TRPM3: variants seen among roughly 807,000 people sequenced by gnomAD.
The protein encoded by TRPM3 is long transient receptor potential channel 3.
In TRPM3, 77 loss-of-function variants were observed where a neutral mutation model predicts 181.2. The ratio of observed to expected loss-of-function variants is 0.42; its 90% CI spans 0.35 to 0.51. The LOEUF (loss-of-function observed/expected upper bound fraction) is 0.51, where lower values mean the gene tolerates loss of function less well. Among genes scored for constraint, TRPM3 ranks in the 20% least tolerant of loss-of-function variants. The probability of loss-of-function intolerance (pLI) is 0.01; values close to 1 mark genes in which losing one functional copy is unlikely to be tolerated. For synonymous variants in TRPM3, 745 were observed against 796.4 expected, an observed-to-expected ratio of 0.94 and a Z score of 1.09; for missense variants, 1,759 against 2,196.7, an observed-to-expected ratio of 0.80 and a Z score of 3.98.
At chr9:70,955,746 A>T (rs1282665208) in intron 1 of TRPM3, among the ~76,000 whole-genome samples, 1 of 152,204 alleles carries the variant, frequency 6.6e-6, no homozygotes, top group Non-Finnish European at 1.5e-5. Context: ...AATTACCTAC[A>T]GTATAAGCCC....
intron 1 of TRPM3, among the ~76,000 whole-genome samples, chr9:71,174,090 T>C (rs765749751): frequency 6.6e-6 from 1 of 152,228 alleles, no homozygotes; most frequent in Non-Finnish European, 1.5e-5. Flanking sequence ...CGAGTATTTA[T>C]ATATTTCCTT....
intron 1 of TRPM3, among the ~76,000 whole-genome samples, chr9:71,095,701 G>A (rs531603151): frequency 1.0e-4 from 15 of 144,750 alleles, no homozygotes; most frequent in African/African-American, 3.8e-4. Flanking sequence ...AGAGGTTACA[G>A]TGAGCTGACA....
At chr9:70,775,852 TGTATTTATG>T (rs2063717013) in intron 7 of TRPM3, 2 of 152,102 alleles carry the variant, frequency 1.3e-5, no homozygotes, top group African/African-American at 4.8e-5. Flanking sequence ...AAAAATTGTA[TGTATTTATG>T]GTATTTATGG....
chr9:70,567,282 G>T (rs1242045418), intron 22 of TRPM3, among the ~76,000 whole-genome samples: 1 of 152,210 alleles, frequency 6.6e-6, no homozygotes, highest in East Asian at 1.9e-4. Context: ...AGAAAGGGTA[G>T]ATTTAAATTC....
chr9:71,039,783 T>C (rs1219061117), intron 1 of TRPM3, among the ~76,000 whole-genome samples: 1 of 152,202 alleles, frequency 6.6e-6, no homozygotes, highest in East Asian at 1.9e-4. Flanking sequence ...AGGGTGACTT[T>C]GGACTATAAT....
At chr9:71,234,592 C>G (rs2081254355) in intron 1 of TRPM3, among the ~76,000 whole-genome samples, 1 of 152,098 alleles carries the variant, frequency 6.6e-6, no homozygotes, top group African/African-American at 2.4e-5. Context: ...CTTCTCTCGG[C>G]GTCTTCACAA....
chr9:70,806,056 G>A (rs1037584591), intron 6 of TRPM3, among the ~76,000 whole-genome samples: 3 of 152,098 alleles, frequency 2.0e-5, no homozygotes, highest in East Asian at 1.9e-4. Context: ...ACCCTGCCTC[G>A]TTCCAGCAGG....
At chr9:71,200,607 G>A (rs2078717354) in intron 1 of TRPM3, among the ~76,000 whole-genome samples, 1 of 152,172 alleles carries the variant, frequency 6.6e-6, no homozygotes, top group Admixed American at 6.5e-5. Context: ...TTGTTGAATT[G>A]ATCCCTTTAC....
At chr9:71,218,398 T>C (rs1343351971) in intron 1 of TRPM3, among the ~76,000 whole-genome samples, 3 of 152,220 alleles carry the variant, frequency 2.0e-5, no homozygotes, top group Non-Finnish European at 4.4e-5. Flanking sequence ...ATAACCATTT[T>C]TAGATGAGTA....
intron 1 of TRPM3, among the ~76,000 whole-genome samples, chr9:71,440,517 C>T (rs2094121968): frequency 6.6e-6 from 1 of 152,240 alleles, no homozygotes; most frequent in Non-Finnish European, 1.5e-5. Flanking sequence ...TTTTGAGAAG[C>T]AGGCATAAAT....
At chr9:71,242,744 T>C (rs2081788156) in intron 1 of TRPM3, among the ~76,000 whole-genome samples, 1 of 152,194 alleles carries the variant, frequency 6.6e-6, no homozygotes, top group South Asian at 2.1e-4. Context: ...CTTGGCCTTT[T>C]ATCATCCATG....
chr9:71,348,540 TTATTTATTTATA>T (rs1268934349), intron 1 of TRPM3, among the ~76,000 whole-genome samples: 94 of 147,880 alleles, frequency 6.4e-4, no homozygotes, highest in Non-Finnish European at 9.3e-4. Flanking sequence ...TGAAAACAGT[TTATTTATTTATA>T]TATTTATTTA....
Position 71,420,592 on chromosome 9 carries a change from GAGAA to G in TRPM3, c.183+26057_183+26060del, listed in dbSNP as rs1436162773. Among the ~76,000 whole-genome samples the G allele has an allele frequency of 5.1e-5, 7 of 137,134 alleles. No homozygotes were observed. In the South Asian group the frequency reaches 6.9e-4, roughly 14 times the overall value. The allele number at this position is 137,134 out of a possible 152,430, so 90.0% of individuals were successfully genotyped here. ...AAGAGAAGAGAAAGAGAAAGAAAAA[GAGAA>G]AGAGAAGAGAAAGAAAGAAAGACAG... On this transcript the variant is annotated intron_variant, in intron 1 of 24. Coordinates refer to the TRPM3 transcript ENST00000357533.
intron 1 of TRPM3, among the ~76,000 whole-genome samples, chr9:71,112,755 A>G (rs1450883051): frequency 6.6e-6 from 1 of 152,214 alleles, no homozygotes; most frequent in East Asian, 1.9e-4. Flanking sequence ...ACATGCTAAA[A>G]GTAAAGCTAG....
At chr9:71,011,829 T>G (rs1307845308) in intron 1 of TRPM3, among the ~76,000 whole-genome samples, 1 of 145,748 alleles carries the variant, frequency 6.9e-6, no homozygotes, top group African/African-American at 2.5e-5. Flanking sequence ...TTATGCAGAC[T>G]AGAGTGCAGT....
At chr9:70,828,178 G>A (rs2093668478) in intron 5 of TRPM3, among the ~76,000 whole-genome samples, 160 bp from the exon 6 acceptor site, 2 of 152,172 alleles carry the variant, frequency 1.3e-5, no homozygotes, top group East Asian at 1.9e-4. Flanking sequence ...TTGGATAGAG[G>A]CAAGATTTAT....
chr9:70,812,502 A>G (rs998687882), intron 6 of TRPM3, among the ~76,000 whole-genome samples: 1 of 152,164 alleles, frequency 6.6e-6, no homozygotes, highest in African/African-American at 2.4e-5. Context: ...AAGAGCAACT[A>G]CTGTACATTT....
chr9:71,234,135 T>C (rs2081229337), intron 1 of TRPM3, among the ~76,000 whole-genome samples: 1 of 152,210 alleles, frequency 6.6e-6, no homozygotes, highest in South Asian at 2.1e-4. Context: ...AGTTACTCAT[T>C]CACGTGCCTG....
chr9:71,028,620 T>C (rs2056886360), intron 1 of TRPM3, among the ~76,000 whole-genome samples: 1 of 142,424 alleles, frequency 7.0e-6, no homozygotes, highest in Admixed American at 7.0e-5. Context: ...TCATGAAAAA[T>C]CTACCAAATG....
Sources: gnomAD v4.1 joint callset for allele counts (sites outside exome capture counted in the v4.1 genomes callset) on GRCh38, gnomAD v4.1.1 for gene constraint, MANE v1.5 for transcripts, NCBI Gene and HGNC (gene_info 2026-07-23, HGNC 2026-07-21) for gene names.